RERE: variants seen among roughly 807,000 people sequenced by gnomAD.
RERE encodes arginine-glutamic acid dipeptide repeats, also known as arginine-glutamic acid dipeptide repeats protein.
Under a neutral mutation model 146.1 loss-of-function variants are expected in RERE, and 40 were observed. The ratio of observed to expected loss-of-function variants is 0.27; its 90% CI spans 0.21 to 0.36. RERE has a LOEUF of 0.36. RERE is among the 10% of genes least tolerant of loss of function. RERE has a pLI of 1.00. For synonymous variants in RERE, 1,003 were observed against 866.0 expected (o/e 1.16, Z -2.78); for missense variants, 1,933 against 2,138.7 (o/e 0.90, Z 1.90).
At chr1:8,369,508 T>TTAAAAAAAA (rs1285019668) in intron 12 of RERE, among the ~76,000 whole-genome samples, 16 of 76,896 alleles carry the variant, frequency 2.1e-4, no homozygotes, top group South Asian at 5.6e-4. Context: ...CGCCTTTTAC[T>TTAAAAAAAA]AAAAAAAAAA....
intron 1 of RERE, among the ~76,000 whole-genome samples, chr1:8,672,910 T>C (rs1638749986): frequency 6.6e-6 from 1 of 152,158 alleles, no homozygotes; most frequent in Non-Finnish European, 1.5e-5. Context: ...AAAATACCAA[T>C]TCTATCTGCA....
intron 1 of RERE, among the ~76,000 whole-genome samples, chr1:8,764,278 T>C (rs996778111): frequency 1.3e-5 from 2 of 152,130 alleles, no homozygotes; most frequent in African/African-American, 2.4e-5. Flanking sequence ...AGAGAGCAAC[T>C]GCAATGTGTC....
chr1:8,564,864 GTGTGTGTATATA>G (rs1646132925), intron 4 of RERE, among the ~76,000 whole-genome samples: 1 of 130,926 alleles, frequency 7.6e-6, no homozygotes, highest in East Asian at 2.0e-4. Context: ...GTGTGTGTGT[GTGTGTGTATATA>G]TATATATAAA....
chr1:8,548,987 AAAAAT>A (rs1457409284), intron 6 of RERE, among the ~76,000 whole-genome samples: 3 of 152,290 alleles, frequency 2.0e-5, no homozygotes, highest in East Asian at 3.9e-4. Context: ...CTGTCTCAAA[AAAAAT>A]AAAATAAAAT....
intron 10 of RERE, among the ~76,000 whole-genome samples, chr1:8,484,528 A>C (rs1363142671): frequency 6.7e-6 from 1 of 150,046 alleles, no homozygotes; most frequent in East Asian, 2.0e-4. Context: ...AGGCCACACC[A>C]TTCTCCTGCC....
rs190241748 is a variant in RERE at position 8,757,506 on chromosome 1, A to T, written c.-145+59654T>A. Reference sequence around the variant, plus strand: ...CTAGAATTTACATAATTTCCCATAAACTTATCAGAGGAACAAATGTAAGAC... The same window carrying T: ...CTAGAATTTACATAATTTCCCATAATCTTATCAGAGGAACAAATGTAAGAC... On this transcript the variant is annotated intron_variant, in intron 1 of 22. Coordinates refer to ENST00000400908, the MANE Select transcript of RERE (RefSeq NM_001042681.2). Among the ~76,000 whole-genome samples, 408 of 152,272 alleles carry T rather than the reference A, an allele frequency of 2.7e-3. 3 individuals carry two copies. The highest frequency in any genetic ancestry group is 9.3e-3 in the African/African-American group (386 of 41,558).
At chr1:8,766,802 A>G (rs972215564) in intron 1 of RERE, among the ~76,000 whole-genome samples, 1 of 152,236 alleles carries the variant, frequency 6.6e-6, no homozygotes, top group Non-Finnish European at 1.5e-5. Context: ...AAATTTAATT[A>G]TATTTACAAA....
At position 8,359,986 on chromosome 1, in the gene RERE, C is replaced by T; in HGVS notation, c.3396G>A (p.Arg1132=). 2.5e-6 allele frequency: 4 copies of T among 1,612,284 alleles called. No homozygotes were observed. Among genetic ancestry groups the T allele is most frequent in the Admixed American group, 1.7e-5 (1 of 60,014 alleles). Residue 1132 remains arginine, a splice_region_variant and synonymous_variant, in exon 19 of 23, where the codon AGG becomes AGA. Transcript: ENST00000400908. ...DTPSHASQSA[R]FYKHLDRGYN... The stretch of plus-strand genomic sequence containing the variant: ...AGCCCCGGTCCAGGTGTTTGTAGAA[C>T]CTGAGAAAAGCCACAGATCTTGCTG...
At chr1:8,427,684 G>C (rs1346163254) in intron 11 of RERE, among the ~76,000 whole-genome samples, 1 of 147,496 alleles carries the variant, frequency 6.8e-6, no homozygotes, top group African/African-American at 2.5e-5. Flanking sequence ...CATGTGGCCT[G>C]TACTGTTACT....
rs779002174 is a variant in RERE, at chr1:8,355,440, G to C, written c.4646C>G (p.Pro1549Arg). 2 of 1,613,062 alleles carry C rather than the reference G, an allele frequency of 1.2e-6. No individual in the cohort carries two copies. Among genetic ancestry groups the C allele is most frequent in the Non-Finnish European group, 1.7e-6 (2 of 1,179,994 alleles). Residue 1549 changes from proline to arginine, a missense_variant, in exon 22 of 23, where the codon CCA (proline) becomes CGA (arginine). Transcript: ENST00000400908. ...GHPHMHGGHL[P>R]SQEDYYSRLK... ...TCACCTGTAATAATCTTCCTGACTT[G>C]GTAGGTGGCCACCATGCATGTGGGG... is the stretch of plus-strand genomic sequence containing the variant.
At chr1:8,437,408 A>G (rs984261381) in intron 11 of RERE, among the ~76,000 whole-genome samples, 1 of 152,192 alleles carries the variant, frequency 6.6e-6, no homozygotes, top group African/African-American at 2.4e-5. Flanking sequence ...GTCATAATGC[A>G]GATCCCTGTC....
chr1:8,653,764 C>A (rs2124326159), intron 2 of RERE, among the ~76,000 whole-genome samples: 1 of 151,790 alleles, frequency 6.6e-6, no homozygotes, highest in Middle Eastern at 3.4e-3. Flanking sequence ...GTGCGTACGC[C>A]CTAAACAAGC....
chr1:8,580,259 A>G (rs1646347691), intron 4 of RERE, among the ~76,000 whole-genome samples: 1 of 152,188 alleles, frequency 6.6e-6, no homozygotes, highest in Non-Finnish European at 1.5e-5. Flanking sequence ...CAACTTAAAT[A>G]TCTAGAGAAA....
At chr1:8,442,813 A>C (rs560169936) in intron 11 of RERE, among the ~76,000 whole-genome samples, 31 of 152,346 alleles carry the variant, frequency 2.0e-4, no homozygotes, top group African/African-American at 7.0e-4. Flanking sequence ...GTTGTGACCA[A>C]AATACTGACA....
intron 2 of RERE, among the ~76,000 whole-genome samples, chr1:8,651,376 C>G (rs1647623283): frequency 6.6e-6 from 1 of 152,072 alleles, no homozygotes; most frequent in Non-Finnish European, 1.5e-5. Context: ...CGCCACTACC[C>G]TCCAGTCTGA....
At chr1:8,575,660 G>A (rs1362446291) in intron 4 of RERE, among the ~76,000 whole-genome samples, 7 of 150,366 alleles carry the variant, frequency 4.7e-5, no homozygotes, top group Non-Finnish European at 1.0e-4. Context: ...CTCCAAAAGT[G>A]CTGGGATTAG....
intron 3 of RERE, among the ~76,000 whole-genome samples, chr1:8,623,205 G>A (rs899425081): frequency 3.3e-5 from 5 of 152,184 alleles, no homozygotes; most frequent in Non-Finnish European, 7.3e-5. Context: ...CCAGCACTTT[G>A]GGAGGCCAAA....
chr1:8,740,681 G>A (rs1640289648), intron 1 of RERE, among the ~76,000 whole-genome samples: 1 of 151,870 alleles, frequency 6.6e-6, no homozygotes, highest in African/African-American at 2.4e-5. Flanking sequence ...CTTTTTTAAT[G>A]TTTTTGTTGA....
intron 1 of RERE, among the ~76,000 whole-genome samples, chr1:8,771,404 G>A (rs1163743048): frequency 1.3e-5 from 2 of 151,664 alleles, no homozygotes; most frequent in Non-Finnish European, 2.9e-5. Flanking sequence ...CACACCTGAG[G>A]TCCCAGATAC....
Sources: gnomAD v4.1 joint callset for allele counts (sites outside exome capture counted in the v4.1 genomes callset) on GRCh38, gnomAD v4.1.1 for gene constraint, MANE v1.5 for transcripts, NCBI Gene and HGNC (gene_info 2026-07-23, HGNC 2026-07-21) for gene names.